The following PDE4B variants were observed in gnomAD, a reference collection of about 807,000 sequenced individuals.
PDE4B encodes 3',5'-cyclic-AMP phosphodiesterase 4B.
A neutral mutation model predicts 82.2 loss-of-function variants in PDE4B; 20 were observed. That is an observed-to-expected ratio of 0.24 (90% CI 0.17 to 0.35). The LOEUF (loss-of-function observed/expected upper bound fraction) is 0.35, where lower values mean the gene tolerates loss of function less well. PDE4B is among the 10% of genes least tolerant of loss of function. The pLI is 1.00. For missense variants in PDE4B, 655 were observed against 907.2 expected, an observed-to-expected ratio of 0.72 and a Z score of 3.57; for synonymous variants, 320 against 318.9, an observed-to-expected ratio of 1.00 and a Z score of -0.04.
At chr1:66,178,103 A>G (rs571580289) in intron 3 of PDE4B, among the ~76,000 whole-genome samples, 1 of 152,088 alleles carries the variant, frequency 6.6e-6, no homozygotes, top group Admixed American at 6.5e-5. Context: ...AGTATTTAAT[A>G]AAGCTCAGGA....
chr1:66,105,663 G>A (rs78163631), intron 3 of PDE4B, among the ~76,000 whole-genome samples: 9,428 of 152,132 alleles, frequency 0.062, 428 homozygotes, highest in South Asian at 0.17. Context: ...CACGTCCCTT[G>A]TAAGTTGGAT....
At chr1:66,019,145 A>G (rs1652944318) in intron 3 of PDE4B, among the ~76,000 whole-genome samples, 1 of 152,098 alleles carries the variant, frequency 6.6e-6, no homozygotes, top group Non-Finnish European at 1.5e-5. Flanking sequence ...AGTCTGCTGC[A>G]TATTTTATTT....
intron 3 of PDE4B, among the ~76,000 whole-genome samples, chr1:66,242,020 A>G (rs1450780063): frequency 2.0e-5 from 3 of 152,212 alleles, no homozygotes; most frequent in Non-Finnish European, 2.9e-5. Context: ...TACAAAACTA[A>G]ATGAAGGCTT....
intron 1 of PDE4B, among the ~76,000 whole-genome samples, chr1:65,902,574 T>C (rs143340020): frequency 3.0e-4 from 45 of 152,288 alleles, no homozygotes; most frequent in African/African-American, 9.6e-4. Context: ...AAAGCATCTC[T>C]GTCATATAAC....
intron 4 of PDE4B, among the ~76,000 whole-genome samples, chr1:66,255,419 G>A (rs1368308728): frequency 2.0e-5 from 3 of 152,160 alleles, no homozygotes; most frequent in Admixed American, 2.0e-4. Flanking sequence ...GTTAAGTACT[G>A]ACTCTATAAT....
At chr1:65,885,795 G>A (rs1286795392) in intron 1 of PDE4B, among the ~76,000 whole-genome samples, 3 of 151,354 alleles carry the variant, frequency 2.0e-5, no homozygotes, top group South Asian at 2.1e-4. Flanking sequence ...CACCAACATG[G>A]CACATGTATA....
Position 66,026,293 on chromosome 1 carries a change from C to T in PDE4B, c.281+107458C>T, listed in dbSNP as rs575009783. ...TGGATCTTGGGTAAATGGTTAGTCT[C>T]ACTCAGAATAAAACTTATACTAGAC... On this transcript the variant is annotated intron_variant, in intron 3 of 16. Transcript: ENST00000341517. Among the ~76,000 whole-genome samples the T allele has an allele frequency of 9.2e-5, 14 of 152,282 alleles. No individual in the cohort carries two copies. In the South Asian group the frequency reaches 2.9e-3, roughly 32 times the overall value.
chr1:66,056,477 C>T (rs1306898489), intron 3 of PDE4B, among the ~76,000 whole-genome samples: 1 of 145,274 alleles, frequency 6.9e-6, no homozygotes, highest in East Asian at 2.0e-4. Flanking sequence ...ATCTATCTAT[C>T]TATCTATCAT....
chr1:66,033,476 C>T (rs1021463162), intron 3 of PDE4B, among the ~76,000 whole-genome samples: 4 of 152,248 alleles, frequency 2.6e-5, no homozygotes, highest in African/African-American at 2.4e-5. Flanking sequence ...GAGACGGTGG[C>T]GCTTTATTCA....
At chr1:66,336,343 G>A (rs1660516029) in intron 8 of PDE4B, among the ~76,000 whole-genome samples, 2 of 152,296 alleles carry the variant, frequency 1.3e-5, no homozygotes, top group South Asian at 4.1e-4. Flanking sequence ...GAATGGGGAG[G>A]TGTTCCTTCC....
chr1:66,152,597 T>C (rs1474058537), intron 3 of PDE4B: 1 of 207,932 alleles, frequency 4.8e-6, no homozygotes, highest in Admixed American at 4.4e-5. Flanking sequence ...TATGTGTGTG[T>C]GTGTGTATAC....
intron 3 of PDE4B, among the ~76,000 whole-genome samples, chr1:65,947,335 G>A (rs1569782039): frequency 1.3e-5 from 2 of 151,996 alleles, no homozygotes; most frequent in East Asian, 3.9e-4. Context: ...GTGACTCTTG[G>A]TTAACAGGTG....
intron 3 of PDE4B, among the ~76,000 whole-genome samples, chr1:66,197,601 G>C (rs1011751972): frequency 6.6e-6 from 1 of 152,138 alleles, no homozygotes; most frequent in East Asian, 1.9e-4. Flanking sequence ...CTGTTTTCCT[G>C]TGTGCTGATG....
chr1:66,342,862 G>A (rs938321967), intron 8 of PDE4B, among the ~76,000 whole-genome samples: 10 of 152,140 alleles, frequency 6.6e-5, no homozygotes, highest in African/African-American at 2.2e-4. Flanking sequence ...TGGCCAACAC[G>A]GAGAAACCCT....
chr1:65,896,271 G>A (rs1646909780), intron 1 of PDE4B, among the ~76,000 whole-genome samples: 1 of 152,108 alleles, frequency 6.6e-6, no homozygotes, highest in South Asian at 2.1e-4. Context: ...GTCTTACATG[G>A]CAGCAGGCAA....
Position 66,217,768 on chromosome 1 carries a change from T to G in PDE4B, c.282-29692T>G, listed in dbSNP as rs1650585494. Among the ~76,000 whole-genome samples the G allele has an allele frequency of 2.0e-5, 3 of 152,134 alleles. No homozygotes were observed. The South Asian group carries it at 6.2e-4, about 32-fold the overall frequency. Reference sequence around the variant, plus strand: ...ATTATTATTTATTATCTACTGACATTCCTGGTACTGCAACTGTATCTGGGA... The same window carrying G: ...ATTATTATTTATTATCTACTGACATGCCTGGTACTGCAACTGTATCTGGGA... On this transcript the variant is annotated intron_variant, in intron 3 of 16. Coordinates refer to ENST00000341517, the MANE Select transcript of PDE4B (RefSeq NM_002600.4).
intron 3 of PDE4B, among the ~76,000 whole-genome samples, chr1:65,923,739 A>G (rs1450466891): frequency 6.6e-6 from 1 of 152,090 alleles, no homozygotes; most frequent in East Asian, 1.9e-4. Context: ...TGTCTTTCTT[A>G]TAGATAATCT....
At chr1:66,229,088 A>T (rs1337159647) in intron 3 of PDE4B, among the ~76,000 whole-genome samples, 1 of 151,894 alleles carries the variant, frequency 6.6e-6, no homozygotes, top group Non-Finnish European at 1.5e-5. Flanking sequence ...GCTCACTGCT[A>T]GCTCTGCCTC....
At chr1:66,240,400 G>A (rs545409806) in intron 3 of PDE4B, among the ~76,000 whole-genome samples, 1 of 152,274 alleles carries the variant, frequency 6.6e-6, no homozygotes, top group Non-Finnish European at 1.5e-5. Flanking sequence ...AGGAACTAAA[G>A]GACAAGTTTT....
Sources: gnomAD v4.1 joint callset for allele counts (sites outside exome capture counted in the v4.1 genomes callset) on GRCh38, gnomAD v4.1.1 for gene constraint, MANE v1.5 for transcripts, NCBI Gene and HGNC (gene_info 2026-07-23, HGNC 2026-07-21) for gene names.